Variants in MRTFA observed in about 807,000 individuals in gnomAD.
The protein encoded by MRTFA is myocardin related transcription factor A.
MRTFA carries 20 observed loss-of-function variants against 83.5 expected under a neutral mutation model. The observed-to-expected ratio is 0.24, with a 90% CI of 0.17 to 0.35. The LOEUF (loss-of-function observed/expected upper bound fraction) is 0.35. Ranked by LOEUF, MRTFA falls within the 10% of genes least tolerant of loss-of-function variation. The probability of loss-of-function intolerance (pLI) is 1.00; values close to 1 mark genes in which losing one functional copy is unlikely to be tolerated. For missense variants in MRTFA, 1,200 were observed against 1,224.7 expected (o/e 0.98, Z 0.30); for synonymous variants, 659 against 541.2 (o/e 1.22, Z -3.02).
chr22:40,461,147 G>A (rs1031931918), intron 4 of MRTFA, among the ~76,000 whole-genome samples: 1 of 140,900 alleles, frequency 7.1e-6, no homozygotes, highest in African/African-American at 2.6e-5. Context: ...GGACGCTGCA[G>A]TGAGCCATGA....
intron 3 of MRTFA, among the ~76,000 whole-genome samples, chr22:40,490,740 A>C (rs5750948): frequency 0.079 from 12,080 of 152,268 alleles, 1,116 homozygotes; most frequent in East Asian, 0.28. Flanking sequence ...AATTATTAAA[A>C]TCCCAAAGAA....
intron 1 of MRTFA, among the ~76,000 whole-genome samples, chr22:40,608,026 T>C (rs2056338814): frequency 6.6e-6 from 1 of 152,268 alleles, no homozygotes; most frequent in East Asian, 1.9e-4. Context: ...AGGGGTCATC[T>C]TTTTGTTTTT....
In MRTFA at chr22:40,420,957, T is replaced by A. The variant is rs1322804009; in HGVS notation, c.1071A>T (p.Ser357=). The stretch of plus-strand genomic sequence containing the variant: ...GCTGCTGCAGGATCTTGGCGTAGGA[T>A]GAGTCCATGGGGGGTGCCCCCCTGT... Residue 357 remains serine, a synonymous_variant, in exon 10 of 15, where the codon TCA becomes TCT. Coordinates refer to ENST00000355630, the MANE Select transcript of MRTFA (RefSeq NM_020831.6). 1 of 1,613,942 alleles carries A rather than the reference T, an allele frequency of 6.2e-7. No homozygotes were observed. Among genetic ancestry groups the A allele is most frequent in the South Asian group, 1.1e-5 (1 of 91,056 alleles).
intron 1 of MRTFA, among the ~76,000 whole-genome samples, chr22:40,619,049 C>A (rs1464256819): frequency 6.6e-6 from 1 of 151,778 alleles, no homozygotes; most frequent in Non-Finnish European, 1.5e-5. Context: ...GTGTGATGGT[C>A]AGTTTTATGT....
chr22:40,482,757 C>T (rs941170576), intron 3 of MRTFA, among the ~76,000 whole-genome samples: 1 of 152,154 alleles, frequency 6.6e-6, no homozygotes, highest in African/African-American at 2.4e-5. Flanking sequence ...CTGCACCCAA[C>T]TTTGTTGTAC....
chr22:40,421,428 G>C (rs773449179), intron 9 of MRTFA, among the ~76,000 whole-genome samples: 3 of 152,146 alleles, frequency 2.0e-5, no homozygotes, highest in African/African-American at 7.2e-5. Flanking sequence ...CTCGGGCTGC[G>C]CCAGACCAGG....
intron 3 of MRTFA, among the ~76,000 whole-genome samples, chr22:40,525,010 A>G (rs1335324759): frequency 6.6e-6 from 1 of 152,176 alleles, no homozygotes; most frequent in Admixed American, 6.5e-5. Context: ...GGGTTTCGCC[A>G]TACTGGCCAG....
chr22:40,471,293 C>G (rs1485228241), intron 3 of MRTFA, among the ~76,000 whole-genome samples: 1 of 146,104 alleles, frequency 6.8e-6, no homozygotes, highest in African/African-American at 2.5e-5. Context: ...ATCCCAGCTA[C>G]TTGGGAGGCT....
intron 3 of MRTFA, among the ~76,000 whole-genome samples, chr22:40,536,286 G>A (rs943893518): frequency 6.6e-6 from 1 of 152,072 alleles, no homozygotes; most frequent in Non-Finnish European, 1.5e-5. Flanking sequence ...CTGGGCAACA[G>A]AGCAAGACCC....
At chr22:40,411,992 C>G (rs750559001) in intron 14 of MRTFA, 85 bp from the exon 15 acceptor site, 11 of 1,164,046 alleles carry the variant, frequency 9.4e-6, no homozygotes, top group Non-Finnish European at 1.3e-5. Context: ...GACCCCCCAA[C>G]GTCACACCAT....
chr22:40,495,032 C>G (rs2054328074), intron 3 of MRTFA, among the ~76,000 whole-genome samples: 2 of 146,990 alleles, frequency 1.4e-5, no homozygotes, highest in Admixed American at 1.4e-4. Context: ...CTGATCTCAA[C>G]TTTTTTTTTT....
intron 3 of MRTFA, among the ~76,000 whole-genome samples, chr22:40,495,125 G>A (rs974142209): frequency 1.3e-5 from 2 of 152,010 alleles, no homozygotes; most frequent in African/African-American, 4.8e-5. Flanking sequence ...TGTAATCCCA[G>A]CACTTTGGGA....
chr22:40,508,024 G>A (rs6001948), intron 3 of MRTFA, among the ~76,000 whole-genome samples: 2,588 of 143,580 alleles, frequency 0.018, 63 homozygotes, highest in Middle Eastern at 0.086. Context: ...TATAAAGTAC[G>A]TAGAACAGTA....
chr22:40,444,656 C>T (rs1045596551), intron 4 of MRTFA, among the ~76,000 whole-genome samples: 1 of 152,042 alleles, frequency 6.6e-6, no homozygotes, highest in Non-Finnish European at 1.5e-5. Flanking sequence ...ATCCTGAGAT[C>T]GACGTGTAGC....
At chr22:40,572,356 T>C (rs570750468) in intron 2 of MRTFA, among the ~76,000 whole-genome samples, 1 of 152,216 alleles carries the variant, frequency 6.6e-6, no homozygotes, top group African/African-American at 2.4e-5. Context: ...ACATCTATAG[T>C]CCCAGGTACT....
intron 2 of MRTFA, among the ~76,000 whole-genome samples, chr22:40,557,823 G>C (rs1306292286): frequency 1.3e-5 from 2 of 152,116 alleles, no homozygotes; most frequent in South Asian, 2.1e-4. Flanking sequence ...TCCCAGGCTG[G>C]AGTGCAGTGG....
intron 4 of MRTFA, among the ~76,000 whole-genome samples, chr22:40,450,266 T>C (rs1237882774): frequency 6.6e-6 from 1 of 151,952 alleles, no homozygotes; most frequent in Non-Finnish European, 1.5e-5. Context: ...ACAAAAGAAA[T>C]CAAGAACCTC....
chr22:40,559,259 G>A (rs553134364), intron 2 of MRTFA, among the ~76,000 whole-genome samples: 2 of 152,174 alleles, frequency 1.3e-5, no homozygotes, highest in African/African-American at 2.4e-5. Context: ...GGTGGTGTGC[G>A]TCTGCAGTCT....
intron 3 of MRTFA, among the ~76,000 whole-genome samples, chr22:40,520,494 T>C (rs1384941764): frequency 6.6e-6 from 1 of 151,984 alleles, no homozygotes; most frequent in Non-Finnish European, 1.5e-5. Flanking sequence ...GCAACCTCCA[T>C]CTCCCAGGTT....
Sources: allele counts gnomAD v4.1 joint callset (sites outside exome capture counted in the v4.1 genomes callset), GRCh38; gene constraint gnomAD v4.1.1; transcripts MANE v1.5; gene names NCBI Gene and HGNC (gene_info 2026-07-23, HGNC 2026-07-21).